The following FANCI variants were observed in gnomAD, a reference collection of about 807,000 sequenced individuals.
The protein encoded by FANCI is Fanconi anemia group I protein.
FANCI carries 156 observed loss-of-function variants against 176.1 expected under a neutral mutation model. That is an observed-to-expected ratio of 0.89 (90% confidence interval 0.78 to 1.01). The LOEUF (loss-of-function observed/expected upper bound fraction) is 1.01, where lower values mean the gene tolerates loss of function less well. Among genes scored for constraint, FANCI ranks in the 50% least tolerant of loss-of-function variants. The pLI, the probability that FANCI is intolerant of heterozygous loss-of-function variation, is 0.00. For synonymous variants in FANCI, 613 were observed against 541.7 expected (o/e 1.13, Z -1.83); for missense variants, 1,678 against 1,534.1 (o/e 1.09, Z -1.57).
At chr15:89,257,705 G>A (rs1185419967) in intron 2 of FANCI, among the ~76,000 whole-genome samples, 1 of 152,076 alleles carries the variant, frequency 6.6e-6, no homozygotes, top group Non-Finnish European at 1.5e-5. Flanking sequence ...AAATACTGGG[G>A]GTTAGAGCTT....
In FANCI at chr15:89,263,495, C is replaced by G. The variant is rs1397510328; in HGVS notation, c.545+35C>G. The stretch of plus-strand genomic sequence containing the variant: ...ATCTTTTCCCTTTTCTTTGTGTATC[C>G]TGCTTTGTGAACTTACTTGCTAGAA... On this transcript the variant is annotated intron_variant, in intron 7 of 37. Coordinates refer to ENST00000310775, the MANE Select transcript of FANCI (RefSeq NM_001113378.2). 5 of 1,552,948 alleles carry G rather than the reference C, an allele frequency of 3.2e-6. No individual in the cohort carries two copies. In the African/African-American group the frequency reaches 4.1e-5, roughly 13 times the overall value.
intron 31 of FANCI, 69 bp downstream of exon 31, chr15:89,305,767 C>T (rs1385105609): frequency 3.4e-6 from 5 of 1,490,468 alleles, no homozygotes; most frequent in East Asian, 2.3e-5. Flanking sequence ...TGGGTCGGTG[C>T]ATAAAAATGG....
intron 12 of FANCI, among the ~76,000 whole-genome samples, chr15:89,276,372 A>G (rs1246293635): frequency 1.3e-5 from 2 of 152,352 alleles, no homozygotes; most frequent in East Asian, 1.9e-4. Context: ...GTAAGCCTCT[A>G]CATAAGCGTT....
intron 36 of FANCI, 126 bp downstream of exon 36, chr15:89,314,833 CT>C (rs72171174): frequency 2.8e-3 from 1,008 of 360,464 alleles, no homozygotes; most frequent in African/African-American, 9.2e-3. Context: ...GCCATCCCCC[CT>C]CTCCCCCCCC....
chr15:89,300,338 G>T lies in FANCI; in HGVS notation c.2842G>T (p.Asp948Tyr). The change falls in exon 26 of 38, where the codon GAT becomes TAT. Residue 948 changes from aspartate to tyrosine, a missense_variant. Coordinates refer to ENST00000310775, the MANE Select transcript of FANCI (RefSeq NM_001113378.2). The part of the protein sequence containing the change: ...DKEGEEREDA[D>Y]VSVTQRTAFQ... Reference sequence around the variant, plus strand: ...GGAAGGAGAAGAGAGAGAAGATGCAGATGTCAGTGTCACTCAGAGAACAGC... The same window carrying T: ...GGAAGGAGAAGAGAGAGAAGATGCATATGTCAGTGTCACTCAGAGAACAGC... 1.2e-6 allele frequency: 2 copies of T among 1,614,038 alleles called. No individual in the cohort carries two copies. The highest frequency in any genetic ancestry group is 1.7e-6 in the Non-Finnish European group (2 of 1,179,924).
rs547827938 is a variant in FANCI at position 89,285,304 on chromosome 15, A to T, written c.1821+86A>T. On this transcript the variant is annotated intron_variant, in intron 18 of 37. Coordinates refer to ENST00000310775, the MANE Select transcript of FANCI (RefSeq NM_001113378.2). ...ATTTTTTTCCTGATTATAAAAGTAC[A>T]ATAGCTATGCTCTTACTTGATGTAG... 7 of 1,526,770 alleles carry T rather than the reference A, an allele frequency of 4.6e-6. No individual in the cohort carries two copies. In the South Asian group the frequency reaches 6.9e-5, roughly 15 times the overall value. 94.6% of individuals were successfully genotyped at this position (1,526,770 alleles called of 1,614,324 possible).
chr15:89,296,357 C>T lies in FANCI; in HGVS notation c.2636+1263C>T, dbSNP rs529631526. ...TCCTGGGCTCAAGCGATACGCCCAT[C>T]TCAGCCTCCCAAAGTGCTGGGATTA... On this transcript the variant is annotated intron_variant, in intron 24 of 37. Transcript: ENST00000310775. Among the ~76,000 whole-genome samples, 3 of 152,180 alleles carry T rather than the reference C, an allele frequency of 2.0e-5. No individual in the cohort carries two copies. The East Asian group carries it at 5.8e-4, about 29-fold the overall frequency.
chr15:89,307,783 A>C (rs886624582), intron 34 of FANCI, 111 bp downstream of exon 34: 3 of 1,579,816 alleles, frequency 1.9e-6, no homozygotes, highest in East Asian at 2.3e-5. Context: ...TTCCCTGCTT[A>C]CCACAAGCTG....
intron 36 of FANCI, 101 bp from the exon 37 acceptor site, chr15:89,315,181 A>G (rs2055176932): frequency 2.3e-6 from 2 of 861,298 alleles, no homozygotes; most frequent in South Asian, 2.6e-5. Flanking sequence ...TGCTTTAGGT[A>G]GAAATGGAAA....
At chr15:89,306,926 G>A (rs977807590) in intron 32 of FANCI, among the ~76,000 whole-genome samples, 1 of 152,088 alleles carries the variant, frequency 6.6e-6, no homozygotes, top group African/African-American at 2.4e-5. Context: ...TTAACATGTA[G>A]GTGTTAAATG....
intron 20 of FANCI, 52 bp from the exon 21 acceptor site, chr15:89,292,635 TA>T: frequency 6.5e-7 from 1 of 1,548,004 alleles, no homozygotes. Flanking sequence ...AACAACTTTA[TA>T]AGTTATCCAT....
intron 1 of FANCI, 151 bp from the exon 2 acceptor site, chr15:89,247,478 A>G: frequency 1.6e-6 from 1 of 637,458 alleles, no homozygotes; most frequent in Non-Finnish European, 2.8e-6. Flanking sequence ...GAAGAAGAAG[A>G]AAAAAGAATC....
rs547616354 is a variant in FANCI at position 89,249,319 on chromosome 15, T to C, written c.84+1588T>C. ...TTTAGAGCAATCTGAAAAAAATCTTTAATTATTTAACACAAATACTTAATA... is the reference window on the plus strand; with the variant it reads ...TTTAGAGCAATCTGAAAAAAATCTTCAATTATTTAACACAAATACTTAATA... On this transcript the variant is annotated intron_variant, in intron 2 of 37. Transcript: ENST00000310775. Among the ~76,000 whole-genome samples, 7 of 152,316 alleles carry C rather than the reference T, an allele frequency of 4.6e-5. No individual in the cohort carries two copies. The South Asian group carries it at 1.4e-3, about 32-fold the overall frequency.
intron 24 of FANCI, among the ~76,000 whole-genome samples, chr15:89,298,128 T>C (rs2054381719): frequency 6.7e-6 from 1 of 148,340 alleles, no homozygotes; most frequent in Non-Finnish European, 1.5e-5. Context: ...TGAAAGGAGG[T>C]AGAAGAAGTG....
At position 89,248,006 on chromosome 15, in the gene FANCI, T is replaced by C. The variant is rs535786987; in HGVS notation, c.84+275T>C. Among the ~76,000 whole-genome samples the C allele has an allele frequency of 3.3e-5, 5 of 152,342 alleles. No individual in the cohort carries two copies. The South Asian group carries it at 1.0e-3, about 32-fold the overall frequency. On this transcript the variant is annotated intron_variant, in intron 2 of 37. Transcript: ENST00000310775. ...CAACTGTATTTATAAAAGCAATTAG[T>C]ATACTTTTATGGTCCTCAGAACAAT...
In FANCI at chr15:89,281,066, T is replaced by A. The variant is rs987032196; in HGVS notation, c.1382-104T>A. On this transcript the variant is annotated intron_variant, in intron 14 of 37. Coordinates refer to ENST00000310775, the MANE Select transcript of FANCI (RefSeq NM_001113378.2). ...TGTATTGCAGTATACTTGACTTATT[T>A]GAGAAAGGAAACAAAAGACTTCACA... 38 of 1,224,854 alleles carry A rather than the reference T, an allele frequency of 3.1e-5. No individual in the cohort carries two copies. In the East Asian group the frequency reaches 3.4e-4, roughly 11 times the overall value. The allele number at this position is 1,224,854 out of a possible 1,614,324, so 75.9% of individuals were successfully genotyped here. A position where few individuals can be genotyped will look rare whatever the true frequency, so the allele number is the denominator to read the frequency against.
At chr15:89,264,760 A>T in intron 9 of FANCI, 153 bp downstream of exon 9, 1 of 619,998 alleles carries the variant, frequency 1.6e-6, no homozygotes, top group Non-Finnish European at 2.9e-6. Flanking sequence ...TAATAAAGAG[A>T]ATAACATGAT....
At chr15:89,305,543 AGTT>A in intron 30 of FANCI, 59 bp from the exon 31 acceptor site, 1 of 1,604,234 alleles carries the variant, frequency 6.2e-7, no homozygotes, top group Non-Finnish European at 8.5e-7. Flanking sequence ...AGGTGACCAC[AGTT>A]ATTATATTAC....
chr15:89,263,263 G>A (rs1349914017), intron 6 of FANCI, among the ~76,000 whole-genome samples, 156 bp from the exon 7 acceptor site: 6 of 151,954 alleles, frequency 3.9e-5, no homozygotes, highest in Admixed American at 3.9e-4. Flanking sequence ...GTTAACAACT[G>A]CTATTTCATT....
Sources: gnomAD v4.1 joint callset for allele counts (sites outside exome capture counted in the v4.1 genomes callset) on GRCh38, gnomAD v4.1.1 for gene constraint, MANE v1.5 for transcripts, NCBI Gene and HGNC (gene_info 2026-07-23, HGNC 2026-07-21) for gene names.